The following LIMCH1 variants were observed in gnomAD, a reference collection of about 807,000 sequenced individuals.
LIMCH1 encodes LIM and calponin homology domains-containing protein 1.
A neutral mutation model predicts 176.5 loss-of-function variants in LIMCH1; 113 were observed. The observed-to-expected ratio is 0.64, with a 90% CI of 0.55 to 0.75. The LOEUF (loss-of-function observed/expected upper bound fraction) is 0.75, where lower values mean the gene tolerates loss of function less well. LIMCH1 is among the 30% of genes least tolerant of loss of function. The pLI, the probability that LIMCH1 is intolerant of heterozygous loss-of-function variation, is 0.00. For missense variants in LIMCH1, 1,674 were observed against 1,814.9 expected, an observed-to-expected ratio of 0.92 and a Z score of 1.41; for synonymous variants, 619 against 645.9, an observed-to-expected ratio of 0.96 and a Z score of 0.63.
chr4:41,641,174 T>A (rs1052369771), intron 14 of LIMCH1, among the ~76,000 whole-genome samples: 8 of 152,074 alleles, frequency 5.3e-5, no homozygotes, highest in Non-Finnish European at 1.2e-4. Context: ...CCCAAGGGCA[T>A]AGACGTAGGT....
In LIMCH1 at chr4:41,576,322, A is replaced by G. The variant is rs190075096; in HGVS notation, c.-240-22598A>G. Among the ~76,000 whole-genome samples the G allele has an allele frequency of 1.9e-3, 282 of 152,336 alleles. 2 individuals carry two copies. The highest frequency in any genetic ancestry group is 3.4e-3 in the Non-Finnish European group (228 of 68,026). ...AAGTAACTTATTGTTTTATCTTATTATAAAGGCAATACTTGCTTATGTCAG... is the reference window on the plus strand; with the variant it reads ...AAGTAACTTATTGTTTTATCTTATTGTAAAGGCAATACTTGCTTATGTCAG... On this transcript the variant is annotated intron_variant, in intron 1 of 31. Coordinates refer to ENST00000503057, the MANE Select transcript of LIMCH1 (RefSeq NM_001330672.2).
intron 1 of LIMCH1, among the ~76,000 whole-genome samples, chr4:41,469,574 G>T (rs2154158244): frequency 6.6e-6 from 1 of 152,116 alleles, no homozygotes; most frequent in South Asian, 2.1e-4. Flanking sequence ...AGTTAGTTAG[G>T]TAGTTTATTT....
At position 41,697,375 on chromosome 4, in the gene LIMCH1, T is replaced by G. The variant is rs1226777488; in HGVS notation, c.*190T>G. ...TTTTCCTGTTTATTGTTTTGGTTTT[T>G]TTTTTTTTTTTGCATTTGCACAGTA... On this transcript the variant is annotated 3_prime_UTR_variant, in exon 32 of 32. Coordinates refer to ENST00000503057, the MANE Select transcript of LIMCH1 (RefSeq NM_001330672.2). 3.5e-5 allele frequency: 20 copies of G among 572,208 alleles called. No individual in the cohort carries two copies. Among genetic ancestry groups the G allele is most frequent in the African/African-American group, 2.8e-4 (15 of 53,054 alleles). The allele number at this position is 572,208 out of a possible 1,614,324, so 35.4% of individuals were successfully genotyped here.
At chr4:41,615,665 A>G (rs1406342566) in intron 5 of LIMCH1, among the ~76,000 whole-genome samples, 1 of 152,202 alleles carries the variant, frequency 6.6e-6, no homozygotes, top group Non-Finnish European at 1.5e-5. Context: ...ATAAGCGTTT[A>G]TAGTATGTTT....
intron 1 of LIMCH1, among the ~76,000 whole-genome samples, chr4:41,564,452 G>A (rs2082449113): frequency 6.6e-6 from 1 of 152,158 alleles, no homozygotes; most frequent in Non-Finnish European, 1.5e-5. Context: ...TGAGTACATA[G>A]TATGGTTAAG....
At chr4:41,559,462 CA>C (rs993522218) in intron 1 of LIMCH1, among the ~76,000 whole-genome samples, 84 of 152,252 alleles carry the variant, frequency 5.5e-4, no homozygotes, top group African/African-American at 1.9e-3. Flanking sequence ...CTTCAGTCTA[CA>C]AACCTACTAA....
intron 13 of LIMCH1, among the ~76,000 whole-genome samples, chr4:41,636,209 C>T (rs1417648223): frequency 6.6e-6 from 1 of 151,678 alleles, no homozygotes; most frequent in Non-Finnish European, 1.5e-5. Context: ...CATGCCTGGC[C>T]TCAAAATTAA....
intron 4 of LIMCH1, chr4:41,609,797 C>A: frequency 2.7e-6 from 1 of 364,850 alleles, no homozygotes; most frequent in South Asian, 2.2e-5. Flanking sequence ...TAATTAGAGC[C>A]CAAGAAAGGA....
chr4:41,622,198 C>T (rs2092632656), intron 7 of LIMCH1, among the ~76,000 whole-genome samples: 1 of 152,034 alleles, frequency 6.6e-6, no homozygotes, highest in Non-Finnish European at 1.5e-5. Flanking sequence ...CCTTATCAAA[C>T]ACATTTTTTT....
At chr4:41,462,864 A>G (rs2065576554) in intron 1 of LIMCH1, among the ~76,000 whole-genome samples, 1 of 152,190 alleles carries the variant, frequency 6.6e-6, no homozygotes, top group South Asian at 2.1e-4. Flanking sequence ...TTGTCTGGAA[A>G]TTTAAAATAG....
chr4:41,421,302 C>T (rs1431440104), intron 1 of LIMCH1, among the ~76,000 whole-genome samples: 1 of 152,084 alleles, frequency 6.6e-6, no homozygotes, highest in Admixed American at 6.6e-5. Context: ...TGGGTGTGAA[C>T]CAAGACTTAA....
chr4:41,467,913 G>C (rs997064832), intron 1 of LIMCH1, among the ~76,000 whole-genome samples: 12 of 152,128 alleles, frequency 7.9e-5, no homozygotes, highest in African/African-American at 2.4e-4. Flanking sequence ...GACACGTGCG[G>C]GACGCCATTC....
chr4:41,576,125 C>G (rs540682424), intron 1 of LIMCH1, among the ~76,000 whole-genome samples: 4 of 152,110 alleles, frequency 2.6e-5, no homozygotes, highest in Non-Finnish European at 5.9e-5. Context: ...TCTGCATAAC[C>G]TGTTGATTTG....
At chr4:41,578,607 G>A (rs1271562902) in intron 1 of LIMCH1, among the ~76,000 whole-genome samples, 1 of 152,092 alleles carries the variant, frequency 6.6e-6, no homozygotes, top group African/African-American at 2.4e-5. Flanking sequence ...TTTCTCTGCT[G>A]TTGTTTTAAT....
At chr4:41,376,870 T>C (rs1371176535) in intron 1 of LIMCH1, among the ~76,000 whole-genome samples, 1 of 152,194 alleles carries the variant, frequency 6.6e-6, no homozygotes, top group African/African-American at 2.4e-5. Flanking sequence ...TGTTCTGGAA[T>C]TGGATAGTGG....
chr4:41,416,702 G>A (rs928617514), intron 1 of LIMCH1, among the ~76,000 whole-genome samples: 2 of 149,868 alleles, frequency 1.3e-5, no homozygotes, highest in Non-Finnish European at 3.0e-5. Flanking sequence ...TAGGTTATTT[G>A]TTAAATCACT....
intron 1 of LIMCH1, among the ~76,000 whole-genome samples, chr4:41,404,094 C>T (rs748111403): frequency 1.3e-5 from 2 of 152,136 alleles, no homozygotes; most frequent in Non-Finnish European, 2.9e-5. Flanking sequence ...GTGTCAGTTA[C>T]AAATGACCCC....
At chr4:41,612,673 G>C (rs2091575562) in intron 4 of LIMCH1, 1 of 702,012 alleles carries the variant, frequency 1.4e-6, no homozygotes, top group Admixed American at 2.0e-5. Context: ...GCTTGTGCTG[G>C]AAAGAATTTA....
At chr4:41,497,940 G>A (rs1285495957) in intron 2 of LIMCH1, among the ~76,000 whole-genome samples, 4 of 152,192 alleles carry the variant, frequency 2.6e-5, no homozygotes, top group Non-Finnish European at 5.9e-5. Context: ...GAGGGCATTA[G>A]TGCCTGCAGA....
Sources: gnomAD v4.1 joint callset for allele counts (sites outside exome capture counted in the v4.1 genomes callset) on GRCh38, gnomAD v4.1.1 for gene constraint, MANE v1.5 for transcripts, NCBI Gene and HGNC (gene_info 2026-07-23, HGNC 2026-07-21) for gene names.